The following DOCK5 variants were observed in gnomAD, a reference collection of about 807,000 sequenced individuals.
DOCK5 encodes the protein dedicator of cytokinesis 5.
DOCK5 carries 142 observed loss-of-function variants against 251.8 expected under a neutral mutation model. That is an observed-to-expected ratio of 0.56 (90% CI 0.49 to 0.65). The LOEUF (loss-of-function observed/expected upper bound fraction) is 0.65, where lower values mean the gene tolerates loss of function less well. Ranked by LOEUF, DOCK5 falls within the 30% of genes least tolerant of loss-of-function variation. DOCK5 has a pLI of 0.00. For synonymous variants in DOCK5, 842 were observed against 835.5 expected (o/e 1.01, Z -0.13); for missense variants, 2,111 against 2,312.3 (o/e 0.91, Z 1.79).
At chr8:25,232,726 C>T (rs1277740423) in intron 1 of DOCK5, among the ~76,000 whole-genome samples, 1 of 152,100 alleles carries the variant, frequency 6.6e-6, no homozygotes, top group Non-Finnish European at 1.5e-5. Flanking sequence ...CTCCTAATAC[C>T]TAATACTATG....
At chr8:25,410,072 G>A in intron 50 of DOCK5, 27 bp from the exon 51 acceptor site, 1 of 1,591,128 alleles carries the variant, frequency 6.3e-7, no homozygotes, top group Non-Finnish European at 8.6e-7. Flanking sequence ...GCCTCTCTCT[G>A]CCGCCTGCAC....
chr8:25,202,097 A>G (rs894994128), intron 1 of DOCK5, among the ~76,000 whole-genome samples: 9 of 151,974 alleles, frequency 5.9e-5, no homozygotes, highest in Non-Finnish European at 1.3e-4. Context: ...GCTCACTGCA[A>G]TCTCTGCCTC....
chr8:25,377,165 G>T (rs1800977310), intron 37 of DOCK5, 140 bp from the exon 38 acceptor site: 1 of 1,147,988 alleles, frequency 8.7e-7, no homozygotes, highest in Admixed American at 3.1e-5. Context: ...ATGTGTATAT[G>T]TGTGTATATG....
chr8:25,316,385 G>A (rs1228818185), intron 13 of DOCK5, among the ~76,000 whole-genome samples: 1 of 152,102 alleles, frequency 6.6e-6, no homozygotes, highest in Non-Finnish European at 1.5e-5. Flanking sequence ...GGAGGCTGAG[G>A]TGAGAGAATC....
intron 1 of DOCK5, among the ~76,000 whole-genome samples, chr8:25,185,411 C>G (rs570976789): frequency 8.5e-5 from 13 of 152,098 alleles, no homozygotes; most frequent in Non-Finnish European, 1.9e-4. Flanking sequence ...TCTCAGACGC[C>G]CCTTAAGTGA....
intron 2 of DOCK5, among the ~76,000 whole-genome samples, chr8:25,253,678 G>C (rs1042910303): frequency 1.3e-5 from 2 of 152,034 alleles, no homozygotes; most frequent in African/African-American, 4.8e-5. Flanking sequence ...TTAAATATAT[G>C]CCTCTGCTTC....
At chr8:25,194,899 T>G (rs1801681812) in intron 1 of DOCK5, among the ~76,000 whole-genome samples, 1 of 147,544 alleles carries the variant, frequency 6.8e-6, no homozygotes, top group Non-Finnish European at 1.5e-5. Flanking sequence ...CATTAGCGTC[T>G]GCAGGGCTAC....
intron 37 of DOCK5, chr8:25,376,242 A>G (rs1800961526): frequency 1.0e-6 from 1 of 985,320 alleles, no homozygotes; most frequent in African/African-American, 1.7e-5. Context: ...AAACTCAGGA[A>G]GGTAAACTCT....
At chr8:25,392,031 C>A in intron 43 of DOCK5, 51 bp downstream of exon 43, 1 of 1,533,526 alleles carries the variant, frequency 6.5e-7, no homozygotes. Context: ...GGGCTGAGCA[C>A]GGTGGCTCAC....
chr8:25,270,652 A>G (rs776307945), intron 3 of DOCK5: 3 of 416,808 alleles, frequency 7.2e-6, no homozygotes, highest in South Asian at 1.0e-4. Context: ...GCGAAATTCA[A>G]TTACGTTCAA....
Position 25,219,153 on chromosome 8 carries a change from A to G in DOCK5, c.44-24521A>G, listed in dbSNP as rs527937718. 7.2e-5 allele frequency among the ~76,000 whole-genome samples: 11 copies of G among 152,162 alleles called. 1 individual carries two copies. In the South Asian group the frequency reaches 2.3e-3, roughly 32 times the overall value. On this transcript the variant is annotated intron_variant, in intron 1 of 51. Transcript: ENST00000276440. ...TACTTCCCCTCCCCTCTGAGTCACAATTTTTTTGTTAAATTCACATTCCAT... is the reference window on the plus strand; with the variant it reads ...TACTTCCCCTCCCCTCTGAGTCACAGTTTTTTTGTTAAATTCACATTCCAT...
chr8:25,362,298 G>A (rs563010272), intron 28 of DOCK5, among the ~76,000 whole-genome samples: 1 of 152,188 alleles, frequency 6.6e-6, no homozygotes, highest in Admixed American at 6.5e-5. Flanking sequence ...ACAATTGTTG[G>A]TGAATTATGT....
chr8:25,186,346 G>C (rs1473918231), intron 1 of DOCK5, among the ~76,000 whole-genome samples: 3 of 144,344 alleles, frequency 2.1e-5, no homozygotes, highest in African/African-American at 7.9e-5. Flanking sequence ...CTGCCTCAGG[G>C]CTCTTTTTTT....
intron 27 of DOCK5, among the ~76,000 whole-genome samples, chr8:25,354,252 T>C (rs962426912): frequency 2.0e-5 from 3 of 152,308 alleles, no homozygotes; most frequent in Non-Finnish European, 1.5e-5. Context: ...AAAACTGATA[T>C]ACTTTTAGAG....
intron 6 of DOCK5, among the ~76,000 whole-genome samples, chr8:25,295,268 A>G (rs1428856860): frequency 6.6e-6 from 1 of 150,858 alleles, no homozygotes; most frequent in Non-Finnish European, 1.5e-5. Context: ...GCAAGACCCC[A>G]TCTCTACAAT....
In DOCK5 at chr8:25,346,240, T is replaced by A. The variant is rs1232234467; in HGVS notation, c.2754+629T>A. 1.3e-5 allele frequency among the ~76,000 whole-genome samples: 2 copies of A among 151,864 alleles called. 1 individual carries two copies. The highest frequency in any genetic ancestry group is 3.9e-4 in the East Asian group (2 of 5,116). On this transcript the variant is annotated intron_variant, in intron 26 of 51. Coordinates refer to ENST00000276440, the MANE Select transcript of DOCK5 (RefSeq NM_024940.8). ...ACTTTGGGAGGCCAAGTCAGGAGGA[T>A]CACTTGAGTCCAGGAGTTCAAGACT...
chr8:25,372,807 CAG>C (rs1690145864), intron 35 of DOCK5, 89 bp downstream of exon 35: 2 of 1,347,452 alleles, frequency 1.5e-6, no homozygotes, highest in Admixed American at 6.6e-5. Context: ...CCCACAAACA[CAG>C]AGGCGCCCTG....
chr8:25,393,394 C>G (rs1435543808), intron 44 of DOCK5, among the ~76,000 whole-genome samples: 1 of 152,206 alleles, frequency 6.6e-6, no homozygotes, highest in African/African-American at 2.4e-5. Flanking sequence ...ACCTCACTGC[C>G]TCAGTGGGAA....
chr8:25,329,201 A>G (rs1435081361), intron 18 of DOCK5, among the ~76,000 whole-genome samples: 2 of 152,060 alleles, frequency 1.3e-5, no homozygotes, highest in African/African-American at 4.8e-5. Context: ...GCTTCTCTTT[A>G]TAGTTTTGCC....
Sources: gnomAD v4.1 joint callset for allele counts (sites outside exome capture counted in the v4.1 genomes callset) on GRCh38, gnomAD v4.1.1 for gene constraint, MANE v1.5 for transcripts, NCBI Gene and HGNC (gene_info 2026-07-23, HGNC 2026-07-21) for gene names.